The following NUP188 variants were observed in gnomAD, a reference collection of about 807,000 sequenced individuals.
NUP188 encodes the protein nucleoporin NUP188.
NUP188 carries 97 observed loss-of-function variants against 223.0 expected under a neutral mutation model. That is an observed-to-expected ratio of 0.43 (90% CI 0.37 to 0.51). The LOEUF (loss-of-function observed/expected upper bound fraction) is 0.51, where lower values mean the gene tolerates loss of function less well. Ranked by LOEUF, NUP188 falls within the 20% of genes least tolerant of loss-of-function variation. The pLI is 0.00. For missense variants in NUP188, 1,947 were observed against 2,175.6 expected (o/e 0.89, Z 2.09); for synonymous variants, 869 against 828.0 (o/e 1.05, Z -0.85).
chr9:128,979,900 G>A (rs1588280571), intron 13 of NUP188, among the ~76,000 whole-genome samples: 1 of 152,290 alleles, frequency 6.6e-6, no homozygotes, highest in East Asian at 1.9e-4. Flanking sequence ...CCAAAGTGCT[G>A]GGGTTACAGG....
At chr9:128,996,428 G>T (rs926967204) in intron 30 of NUP188, among the ~76,000 whole-genome samples, 4 of 152,152 alleles carry the variant, frequency 2.6e-5, no homozygotes, top group African/African-American at 9.7e-5. Context: ...GGGATTACAG[G>T]TGTGAGCCAC....
rs1413013340 is a variant in NUP188 at position 128,980,686 on chromosome 9, G to C, written c.1350G>C (p.Leu450=). 5 of 1,614,088 alleles carry C rather than the reference G, an allele frequency of 3.1e-6. No individual in the cohort carries two copies. The East Asian group carries it at 1.1e-4, about 36-fold the overall frequency. Residue 450 remains leucine, a synonymous_variant, in exon 14 of 44, where the codon CTG becomes CTC. Coordinates refer to ENST00000372577, the MANE Select transcript of NUP188 (RefSeq NM_015354.3). ...ACCTTCTCTCCCCACTCCTGCAACT[G>C]CTCCGAGCCCTGGTATCAGGGAAGT... ...FPHLLSPLLQ[L]LRALVSGKST...
In NUP188 at chr9:128,995,407, T is replaced by C. The variant is rs1248545116; in HGVS notation, c.3244T>C (p.Leu1082=). 3.7e-6 allele frequency: 6 copies of C among 1,614,078 alleles called. No homozygotes were observed. The highest frequency in any genetic ancestry group is 3.3e-5 in the Admixed American group (2 of 59,978). The change falls in exon 30 of 44, where the codon TTG becomes CTG. Residue 1082 remains leucine (L), a synonymous_variant. Transcript: ENST00000372577. The part of the protein sequence containing the change: ...FAYWSGYVKS[L]AVHVAETEGS... ...CTACTGGTCAGGGTATGTCAAGTCA[T>C]TGGCAGTTCACGTGGCCGAAACAGA...
chr9:128,968,674 C>A lies in NUP188; in HGVS notation c.754C>A (p.His252Asn). Reference protein sequence around the residue: ...QGFGSRQTNRHLVDETMDPFV... With the variant: ...QGFGSRQTNRNLVDETMDPFV... Reference sequence around the variant, plus strand: ...ATTTGGTAGTAGGCAGACCAATAGGCACCTGGTGGATGAGACTATGGATCC... The same window carrying A: ...ATTTGGTAGTAGGCAGACCAATAGGAACCTGGTGGATGAGACTATGGATCC... The change falls in exon 9 of 44, where the codon CAC (histidine) becomes AAC (asparagine). Residue 252 changes from histidine (H) to asparagine (N), a missense_variant. Around this residue, in one of 3 missense-constraint regions of NUP188, gnomAD observed 817 missense variants for 865.8 expected, o/e 0.94. Coordinates refer to ENST00000372577, the MANE Select transcript of NUP188 (RefSeq NM_015354.3). The A allele has an allele frequency of 6.2e-7, 1 of 1,614,086 alleles. No individual in the cohort carries two copies. Among genetic ancestry groups the A allele is most frequent in the Non-Finnish European group, 8.5e-7 (1 of 1,179,956 alleles).
intron 3 of NUP188, 63 bp downstream of exon 3, chr9:128,952,909 C>A: frequency 7.8e-7 from 1 of 1,280,466 alleles, no homozygotes; most frequent in Non-Finnish European, 1.1e-6. Flanking sequence ...TGGATAAAAC[C>A]ATCCTTCTAT....
chr9:128,986,893 A>G lies in NUP188; in HGVS notation c.2264+18A>G. ...CACAGCAGGTAATGAAGGGTTGATT[A>G]CTAGAGCTTGGTGCTCGCCAAGGCA... is the stretch of plus-strand genomic sequence containing the variant. On this transcript the variant is annotated intron_variant, in intron 22 of 43. Coordinates refer to ENST00000372577, the MANE Select transcript of NUP188 (RefSeq NM_015354.3). 6.2e-7 allele frequency: 1 copy of G among 1,611,336 alleles called. No individual in the cohort carries two copies. The highest frequency in any genetic ancestry group is 8.5e-7 in the Non-Finnish European group (1 of 1,177,948).
intron 8 of NUP188, among the ~76,000 whole-genome samples, chr9:128,960,390 A>G (rs917650646): frequency 6.6e-6 from 1 of 151,686 alleles, no homozygotes; most frequent in African/African-American, 2.4e-5. Flanking sequence ...TAATTTCTAA[A>G]CCAATTTGCA....
intron 30 of NUP188, 132 bp downstream of exon 30, chr9:128,995,646 T>C (rs1842511836): frequency 1.3e-6 from 1 of 774,186 alleles, no homozygotes; most frequent in Non-Finnish European, 2.1e-6. Context: ...CTGTAATAGG[T>C]TCTATGCTGA....
chr9:129,000,324 T>C (rs1206614710), intron 34 of NUP188, among the ~76,000 whole-genome samples: 1 of 152,064 alleles, frequency 6.6e-6, no homozygotes, highest in Non-Finnish European at 1.5e-5. Context: ...GTCTTGAAAT[T>C]AGCACATTTT....
intron 3 of NUP188, among the ~76,000 whole-genome samples, chr9:128,953,311 A>C (rs1322334424): frequency 6.6e-6 from 1 of 152,230 alleles, no homozygotes; most frequent in Non-Finnish European, 1.5e-5. Flanking sequence ...CTTTGGGTGA[A>C]TATATAGATC....
chr9:129,001,472 G>T, intron 34 of NUP188, 57 bp from the exon 35 acceptor site: 1 of 1,560,966 alleles, frequency 6.4e-7, no homozygotes, highest in Non-Finnish European at 8.8e-7. Context: ...GCTGCCTGTC[G>T]TCCTCTTCCT....
chr9:128,967,679 A>C (rs1431866986), intron 8 of NUP188, among the ~76,000 whole-genome samples: 1 of 151,846 alleles, frequency 6.6e-6, no homozygotes, highest in African/African-American at 2.4e-5. Context: ...AATCCCAGCT[A>C]CTCGGGAGGC....
rs770435304 is a variant in NUP188 at position 129,002,819 on chromosome 9, A to G, written c.4140A>G (p.Thr1380=). 6.2e-7 allele frequency: 1 copy of G among 1,613,448 alleles called. No homozygotes were observed. Among genetic ancestry groups the G allele is most frequent in the East Asian group, 2.2e-5 (1 of 44,868 alleles). Residue 1380 remains threonine (T), a splice_region_variant and synonymous_variant, in exon 37 of 44, where the codon ACA becomes ACG. Coordinates refer to ENST00000372577, the MANE Select transcript of NUP188 (RefSeq NM_015354.3). ...YQLSTNGTAQ[T]PSASRKSLDA... ...CTTGTCTGCTGTTTGTATCTTAGAC[A>G]CCTAGTGCCTCTCGGAAGTCCCTGG... is the stretch of plus-strand genomic sequence containing the variant.
intron 8 of NUP188, among the ~76,000 whole-genome samples, chr9:128,961,368 T>G (rs1010619677): frequency 1.3e-5 from 2 of 150,208 alleles, no homozygotes; most frequent in African/African-American, 4.9e-5. Context: ...AAAAGTTAGC[T>G]GAGCGTGGTG....
At chr9:128,949,570 G>C (rs925314749) in intron 2 of NUP188, among the ~76,000 whole-genome samples, 22 of 151,946 alleles carry the variant, frequency 1.4e-4, no homozygotes, top group African/African-American at 5.3e-4. Context: ...GACCTTAGGT[G>C]ATCTGCCCTC....
intron 31 of NUP188, 59 bp downstream of exon 31, chr9:128,998,287 A>C: frequency 7.0e-7 from 1 of 1,435,022 alleles, no homozygotes; most frequent in South Asian, 1.1e-5. Flanking sequence ...GAAGTCAAAT[A>C]GCAGAGGTCA....
chr9:128,950,203 A>G (rs539813577), intron 2 of NUP188, among the ~76,000 whole-genome samples: 13 of 151,950 alleles, frequency 8.6e-5, no homozygotes, highest in Non-Finnish European at 8.8e-5. Flanking sequence ...GATTACAGGC[A>G]TGAGCCACCA....
At chr9:128,961,408 A>T (rs1372930352) in intron 8 of NUP188, among the ~76,000 whole-genome samples, 1 of 151,798 alleles carries the variant, frequency 6.6e-6, no homozygotes, top group African/African-American at 2.4e-5. Context: ...GCTACTCAGG[A>T]GGCTGAGGCA....
intron 2 of NUP188, among the ~76,000 whole-genome samples, chr9:128,951,670 T>C (rs542681803): frequency 6.6e-6 from 1 of 152,288 alleles, no homozygotes; most frequent in East Asian, 1.9e-4. Context: ...TATGTTATAA[T>C]GTTAAGCAAA....
Sources: allele counts gnomAD v4.1 joint callset (sites outside exome capture counted in the v4.1 genomes callset), GRCh38; gene constraint gnomAD v4.1.1; regional missense constraint gnomAD v4.1.1; transcripts MANE v1.5; gene names NCBI Gene and HGNC (gene_info 2026-07-23, HGNC 2026-07-21).